The following PTCD2 variants were observed in gnomAD, a reference collection of about 807,000 sequenced individuals.
PTCD2 encodes the protein pentatricopeptide repeat-containing protein 2, mitochondrial.
A neutral mutation model predicts 42.6 loss-of-function variants in PTCD2; 31 were observed. The observed-to-expected ratio is 0.73, with a 90% CI of 0.55 to 0.98. The LOEUF (loss-of-function observed/expected upper bound fraction) is 0.98, where lower values mean the gene tolerates loss of function less well. Among genes scored for constraint, PTCD2 ranks in the 50% least tolerant of loss-of-function variants. The pLI is 0.00. For synonymous variants in PTCD2, 183 were observed against 170.9 expected (o/e 1.07, Z -0.55); for missense variants, 476 against 454.8 (o/e 1.05, Z -0.42).
chr5:72,358,278 C>T lies in PTCD2; in HGVS notation c.1018C>T (p.His340Tyr). ...AKFDEIYGTL[H>Y]ITGQVTTDSL... ...ATTTGATGAGATCTATGGGACACTG[C>T]ACATCACTGGCCAGGTCACCACTGA... is the stretch of plus-strand genomic sequence containing the variant. Residue 340 changes from histidine to tyrosine, a missense_variant, in exon 10 of 10, where the codon CAC becomes TAC. Coordinates refer to ENST00000380639, the MANE Select transcript of PTCD2 (RefSeq NM_024754.5). 6.2e-7 allele frequency: 1 copy of T among 1,614,058 alleles called. No individual in the cohort carries two copies. The highest frequency in any genetic ancestry group is 2.2e-5 in the East Asian group (1 of 44,876).
chr5:72,340,209 T>C (rs1206865784), intron 7 of PTCD2, among the ~76,000 whole-genome samples: 1 of 152,244 alleles, frequency 6.6e-6, no homozygotes, highest in African/African-American at 2.4e-5. Flanking sequence ...TTTTCTTAAT[T>C]ATTTAATTCT....
At chr5:72,329,255 A>C (rs1405410227) in intron 3 of PTCD2, among the ~76,000 whole-genome samples, 3 of 152,190 alleles carry the variant, frequency 2.0e-5, no homozygotes, top group African/African-American at 7.2e-5. Flanking sequence ...GGACAAGTGG[A>C]AAGATGGGTA....
At chr5:72,357,864 GACTC>G (rs1478763475) in intron 9 of PTCD2, among the ~76,000 whole-genome samples, 2 of 147,520 alleles carry the variant, frequency 1.4e-5, no homozygotes, top group Non-Finnish European at 3.0e-5. Flanking sequence ...TTTTTTTTAA[GACTC>G]ACTCTGTCGC....
At chr5:72,352,811 G>A (rs1361601332) in intron 9 of PTCD2, 57 bp downstream of exon 9, 2 of 877,254 alleles carry the variant, frequency 2.3e-6, no homozygotes, top group Non-Finnish European at 3.6e-6. Context: ...TCTTAAAAAT[G>A]TCCACTAATT....
chr5:72,342,168 G>A (rs952525558), intron 7 of PTCD2, among the ~76,000 whole-genome samples: 3 of 152,108 alleles, frequency 2.0e-5, no homozygotes, highest in Non-Finnish European at 4.4e-5. Context: ...ACAACAGAGC[G>A]GGACACCAGA....
Position 72,359,572 on chromosome 5 carries a change from T to C in PTCD2, c.*1145T>C, listed in dbSNP as rs1390298625. The C allele has an allele frequency of 6.6e-6, 1 of 152,228 alleles. No homozygotes were observed. The highest frequency in any genetic ancestry group is 1.5e-5 in the Non-Finnish European group (1 of 68,052). 9.4% of individuals were successfully genotyped at this position (152,228 alleles called of 1,614,324 possible). ...AAATTGTAGACTAGGAGAAGTCTTC[T>C]GAGTCTCCTAATTAATTCCTTCATC... On this transcript the variant is annotated 3_prime_UTR_variant, in exon 10 of 10. Coordinates refer to ENST00000380639, the MANE Select transcript of PTCD2 (RefSeq NM_024754.5).
In PTCD2 at chr5:72,352,627, T is replaced by C; in HGVS notation, c.829-14T>C. ...ACTCAGTCTTGGTTTTGCTTGTGTC[T>C]TCTTAATATTCAGATTATAATCCAT... On this transcript the variant is annotated splice_polypyrimidine_tract_variant and intron_variant, in intron 8 of 9. Transcript: ENST00000380639. 7.5e-7 allele frequency: 1 copy of C among 1,336,554 alleles called. No individual in the cohort carries two copies. Among genetic ancestry groups the C allele is most frequent in the South Asian group, 1.2e-5 (1 of 84,094 alleles). 82.8% of individuals were successfully genotyped at this position (1,336,554 alleles called of 1,614,324 possible).
intron 8 of PTCD2, among the ~76,000 whole-genome samples, chr5:72,352,113 C>A (rs1307299178): frequency 6.6e-6 from 1 of 152,080 alleles, no homozygotes; most frequent in African/African-American, 2.4e-5. Flanking sequence ...TCTGCCCTCT[C>A]CAGTGTTACC....
chr5:72,345,127 A>G (rs1008378781), intron 8 of PTCD2, among the ~76,000 whole-genome samples: 2 of 152,180 alleles, frequency 1.3e-5, no homozygotes, highest in African/African-American at 4.8e-5. Flanking sequence ...CTTCGACCAT[A>G]AAAGAAGGCT....
chr5:72,345,909 C>A (rs1412968247), intron 8 of PTCD2, among the ~76,000 whole-genome samples: 2 of 152,178 alleles, frequency 1.3e-5, no homozygotes, highest in Non-Finnish European at 2.9e-5. Context: ...TAACTCCAAA[C>A]TTCTGAAAGA....
rs1461848055 is a variant in PTCD2, at chr5:72,326,263, A to G, written c.221-349A>G. Among the ~76,000 whole-genome samples the G allele has an allele frequency of 2.0e-5, 3 of 152,184 alleles. No homozygotes were observed. The East Asian group carries it at 5.8e-4, about 29-fold the overall frequency. ...TTTCTCATGAGTCACCTAGAGATTC[A>G]GTTATTTGAGCCAAGCCTCTGGAAC... On this transcript the variant is annotated intron_variant, in intron 2 of 9. Coordinates refer to ENST00000380639, the MANE Select transcript of PTCD2 (RefSeq NM_024754.5).
intron 8 of PTCD2, among the ~76,000 whole-genome samples, chr5:72,344,333 G>A (rs994646886): frequency 1.3e-4 from 20 of 152,104 alleles, no homozygotes; most frequent in East Asian, 9.6e-4. Context: ...CCAACATGGC[G>A]AAACCCCATC....
At chr5:72,348,146 C>T (rs1156444873) in intron 8 of PTCD2, among the ~76,000 whole-genome samples, 1 of 152,170 alleles carries the variant, frequency 6.6e-6, no homozygotes, top group Non-Finnish European at 1.5e-5. Flanking sequence ...ATATGGTTGC[C>T]ATTCTCAAGT....
chr5:72,331,488 T>G, intron 4 of PTCD2, 113 bp downstream of exon 4: 1 of 784,682 alleles, frequency 1.3e-6, no homozygotes, highest in Admixed American at 1.9e-5. Context: ...GAAAGGCTGC[T>G]GGGGCTGAAT....
At chr5:72,351,799 G>C (rs1191640338) in intron 8 of PTCD2, among the ~76,000 whole-genome samples, 1 of 152,062 alleles carries the variant, frequency 6.6e-6, no homozygotes, top group African/African-American at 2.4e-5. Flanking sequence ...ATTATCATTC[G>C]AGATGAAATT....
chr5:72,352,442 A>G (rs1752668218), intron 8 of PTCD2, among the ~76,000 whole-genome samples, 199 bp from the exon 9 acceptor site: 1 of 152,158 alleles, frequency 6.6e-6, no homozygotes, highest in Admixed American at 6.6e-5. Flanking sequence ...GTAGTTTTTG[A>G]TTAACTATTG....
At chr5:72,326,917 CACTT>C (rs1751170088) in intron 3 of PTCD2, among the ~76,000 whole-genome samples, 176 bp downstream of exon 3, 1 of 152,186 alleles carries the variant, frequency 6.6e-6, no homozygotes, top group Non-Finnish European at 1.5e-5. Context: ...GTTGAGCACA[CACTT>C]ACTGGGTTCC....
chr5:72,338,878 G>A (rs1302372743), intron 7 of PTCD2, 143 bp downstream of exon 7: 2 of 503,734 alleles, frequency 4.0e-6, no homozygotes, highest in Non-Finnish European at 7.2e-6. Context: ...TGTTGCCATG[G>A]CAACCTATAT....
At chr5:72,329,217 C>T (rs1479751819) in intron 3 of PTCD2, among the ~76,000 whole-genome samples, 6 of 152,184 alleles carry the variant, frequency 3.9e-5, no homozygotes, top group Non-Finnish European at 8.8e-5. Flanking sequence ...CAGTTGCTGA[C>T]CTTTTCCCTC....
Sources: allele counts gnomAD v4.1 joint callset (sites outside exome capture counted in the v4.1 genomes callset), GRCh38; gene constraint gnomAD v4.1.1; transcripts MANE v1.5; gene names NCBI Gene and HGNC (gene_info 2026-07-23, HGNC 2026-07-21).